Variants in NDUFA10 observed in about 807,000 individuals in gnomAD.
The protein encoded by NDUFA10 is NADH:ubiquinone oxidoreductase subunit A10.
NDUFA10 carries 40 observed loss-of-function variants against 47.8 expected under a neutral mutation model. That is an observed-to-expected ratio of 0.84 (90% CI 0.65 to 1.09). The LOEUF is 1.09. NDUFA10 is among the 50% of genes least tolerant of loss of function. The pLI, the probability that NDUFA10 is intolerant of heterozygous loss-of-function variation, is 0.00. For missense variants in NDUFA10, 413 were observed against 451.1 expected, an observed-to-expected ratio of 0.92 and a Z score of 0.76; for synonymous variants, 183 against 172.2, an observed-to-expected ratio of 1.06 and a Z score of -0.49.
At chr2:239,909,439 C>T (rs1211794287) in intron 4 of NDUFA10, among the ~76,000 whole-genome samples, 1 of 152,122 alleles carries the variant, frequency 6.6e-6, no homozygotes, top group Non-Finnish European at 1.5e-5. Context: ...AGTGAAACCC[C>T]GTCTCTACTA....
At chr2:239,944,645 C>G (rs1259037318) in intron 4 of NDUFA10, among the ~76,000 whole-genome samples, 1 of 152,188 alleles carries the variant, frequency 6.6e-6, no homozygotes, top group Non-Finnish European at 1.5e-5. Flanking sequence ...TCCAGGTCTT[C>G]CAAGGAAACA....
chr2:240,011,852 A>G, intron 5 of NDUFA10, 156 bp from the exon 6 acceptor site: 2 of 696,748 alleles, frequency 2.9e-6, no homozygotes, highest in East Asian at 2.8e-5. Flanking sequence ...AAGGGTCCCA[A>G]CATCAGCTAG....
chr2:239,955,524 C>T (rs942794292), downstream of NDUFA10, among the ~76,000 whole-genome samples: 22 of 152,164 alleles, frequency 1.4e-4, no homozygotes, highest in African/African-American at 5.3e-4. Context: ...ACCCACTCCC[C>T]ATCTTCCTAA....
chr2:239,910,837 C>A (rs1264287258), intron 4 of NDUFA10, among the ~76,000 whole-genome samples: 1 of 150,850 alleles, frequency 6.6e-6, no homozygotes, highest in Non-Finnish European at 1.5e-5. Context: ...CCTTGCCCAC[C>A]ATGGCAGGAA....
chr2:239,951,453 C>T (rs1199709817), intron 4 of NDUFA10, among the ~76,000 whole-genome samples: 1 of 152,176 alleles, frequency 6.6e-6, no homozygotes, highest in Non-Finnish European at 1.5e-5. Flanking sequence ...TCTCAGGCCT[C>T]ACTTCTGAGC....
At chr2:239,949,099 T>C (rs893349928) in intron 4 of NDUFA10, among the ~76,000 whole-genome samples, 1 of 152,226 alleles carries the variant, frequency 6.6e-6, no homozygotes, top group African/African-American at 2.4e-5. Context: ...GGGACGGACG[T>C]ATGAGAGCTC....
intron 4 of NDUFA10, among the ~76,000 whole-genome samples, chr2:239,940,801 C>A (rs573873618): frequency 8.5e-5 from 13 of 152,320 alleles, no homozygotes; most frequent in African/African-American, 3.1e-4. Flanking sequence ...GAGGTATTCA[C>A]TGGATTTCCA....
Position 239,959,874 on chromosome 2 carries a change from G to A in NDUFA10, c.*1244C>T. 25 of 984,864 alleles carry A rather than the reference G, an allele frequency of 2.5e-5. No individual in the cohort carries two copies. Among genetic ancestry groups the A allele is most frequent in the Non-Finnish European group, 3.0e-5 (25 of 829,348 alleles). 61.0% of individuals were successfully genotyped at this position (984,864 alleles called of 1,614,324 possible). ...GGGAGAGGGAAAAAGGCAGGCGGAC[G>A]CAAGGAGGGAAGGAGTGTGCATCTT... On this transcript the variant is annotated 3_prime_UTR_variant, in exon 10 of 10. Coordinates refer to ENST00000252711, the MANE Select transcript of NDUFA10 (RefSeq NM_004544.4).
rs1162409585 is a variant in NDUFA10 at position 239,959,035 on chromosome 2, C to G, written c.*2083G>C. The G allele has an allele frequency of 2.0e-6, 2 of 985,462 alleles. No homozygotes were observed. Among genetic ancestry groups the G allele is most frequent in the East Asian group, 1.1e-4 (1 of 8,822 alleles). The allele number at this position is 985,462 out of a possible 1,614,324, so 61.0% of individuals were successfully genotyped here. On this transcript the variant is annotated 3_prime_UTR_variant, in exon 10 of 10. Transcript: ENST00000252711. Reference sequence around the variant, plus strand: ...GGCATCTCCTCACCTCTTCTTGAGGCTTCTATGTGGAGAGAAGAATTGGAC... The same window carrying G: ...GGCATCTCCTCACCTCTTCTTGAGGGTTCTATGTGGAGAGAAGAATTGGAC...
intron 9 of NDUFA10, chr2:239,982,219 G>C (rs775100595): frequency 6.2e-7 from 1 of 1,612,820 alleles, no homozygotes; most frequent in Admixed American, 1.7e-5. Flanking sequence ...GGGATCCCCA[G>C]CTACAAGGTT....
intron 9 of NDUFA10, among the ~76,000 whole-genome samples, chr2:239,963,940 C>G (rs1013447943): frequency 2.0e-5 from 3 of 152,190 alleles, no homozygotes; most frequent in Admixed American, 2.0e-4. Flanking sequence ...GCCACTAGCT[C>G]TGCACGAAGA....
intron 4 of NDUFA10, among the ~76,000 whole-genome samples, chr2:239,896,163 T>C (rs1693392702): frequency 1.3e-5 from 2 of 152,204 alleles, no homozygotes; most frequent in African/African-American, 4.8e-5. Flanking sequence ...CTAGGGTCAC[T>C]GGAATTCTGT....
At chr2:239,894,739 C>T (rs905217600) in intron 5 of NDUFA10, among the ~76,000 whole-genome samples, 1 of 152,150 alleles carries the variant, frequency 6.6e-6, no homozygotes, top group Non-Finnish European at 1.5e-5. Flanking sequence ...TTTTCTCCCT[C>T]ACCAACATTC....
At chr2:239,975,362 C>G (rs1393273020) in intron 9 of NDUFA10, among the ~76,000 whole-genome samples, 1 of 152,216 alleles carries the variant, frequency 6.6e-6, no homozygotes, top group African/African-American at 2.4e-5. Flanking sequence ...TTATTTATAG[C>G]AATGCGAGAA....
intron 4 of NDUFA10, among the ~76,000 whole-genome samples, chr2:239,940,206 C>T (rs6437332): frequency 0.47 from 71,545 of 152,174 alleles, 17,137 homozygotes; most frequent in African/African-American, 0.55. Context: ...ACAGATGACA[C>T]GTCACAGCTG....
downstream of NDUFA10, among the ~76,000 whole-genome samples, chr2:239,955,920 G>A (rs557684203): frequency 1.5e-4 from 23 of 152,304 alleles, no homozygotes; most frequent in Middle Eastern, 3.4e-3. Flanking sequence ...AGTCAGAGAC[G>A]GCGCAGGCTC....
intron 1 of NDUFA10, among the ~76,000 whole-genome samples, chr2:240,022,836 A>C (rs904332276): frequency 6.6e-6 from 1 of 152,192 alleles, no homozygotes; most frequent in African/African-American, 2.4e-5. Context: ...CCTGAAGGTA[A>C]CAGAGCTAAG....
In NDUFA10 at chr2:240,019,577, G is replaced by A. The variant is rs1226623070; in HGVS notation, c.461-938C>T. On this transcript the variant is annotated intron_variant, in intron 3 of 9. Transcript: ENST00000252711. ...CTCACGCCTGTAATCCCAGCACTTTGGGAGGCCGAGGCGGGCGGATCACGA... is the reference window on the plus strand; with the variant it reads ...CTCACGCCTGTAATCCCAGCACTTTAGGAGGCCGAGGCGGGCGGATCACGA... Among the ~76,000 whole-genome samples the A allele has an allele frequency of 7.2e-5, 2 of 27,710 alleles. 1 individual carries two copies. Among genetic ancestry groups the A allele is most frequent in the African/African-American group, 2.7e-4 (2 of 7,428 alleles). 18.2% of individuals were successfully genotyped at this position (27,710 alleles called of 152,430 possible). A position where few individuals can be genotyped will look rare whatever the true frequency, so the allele number is the denominator to read the frequency against.
At chr2:240,011,593 A>C (rs1307857750) in intron 6 of NDUFA10, 24 bp downstream of exon 6, 8 of 1,584,758 alleles carry the variant, frequency 5.0e-6, no homozygotes, top group Non-Finnish European at 6.9e-6. Flanking sequence ...TTAGCCCTGT[A>C]AATCAGTCGT....
Sources: gnomAD v4.1 joint callset for allele counts (sites outside exome capture counted in the v4.1 genomes callset) on GRCh38, gnomAD v4.1.1 for gene constraint, MANE v1.5 for transcripts, NCBI Gene and HGNC (gene_info 2026-07-23, HGNC 2026-07-21) for gene names.